The following XIRP2 variants were observed in gnomAD, a reference collection of about 807,000 sequenced individuals.
XIRP2 encodes xin actin binding repeat containing 2, also known as xin actin-binding repeat-containing protein 2.
A neutral mutation model predicts 277.0 loss-of-function variants in XIRP2; 236 were observed. The observed-to-expected ratio is 0.85, with a 90% confidence interval of 0.77 to 0.95. XIRP2 has a LOEUF of 0.95. XIRP2 is among the 40% of genes least tolerant of loss of function. The pLI is 0.00. For missense variants in XIRP2, 4,640 were observed against 4,157.5 expected (o/e 1.12, Z -3.19); for synonymous variants, 1,490 against 1,416.5 (o/e 1.05, Z -1.17).
At position 167,251,039 on chromosome 2, in the gene XIRP2, T is replaced by C. The variant is rs185166606; in HGVS notation, c.9647T>C (p.Met3216Thr). The change falls in exon 9 of 11, where the codon ATG (methionine) becomes ACG (threonine). Residue 3216 changes from methionine (M) to threonine (T), a missense_variant. By Grantham distance (81) the Met-to-Thr change is moderately conservative (BLOSUM62 -1). Coordinates refer to ENST00000409195, the MANE Select transcript of XIRP2 (RefSeq NM_152381.6). ...GTAGAGAAGAGGTCTGAAATCATCA[T>C]GTCTCCTGCAACACTTCGTCGTCAA... ...PIVEKRSEIIMSPATLRRQIK... is the reference protein window; with the variant it reads ...PIVEKRSEIITSPATLRRQIK... The C allele has an allele frequency of 5.6e-6, 9 of 1,613,656 alleles. No individual in the cohort carries two copies. The Admixed American group carries it at 1.5e-4, about 27-fold the overall frequency.
intron 2 of XIRP2, among the ~76,000 whole-genome samples, chr2:167,093,292 T>TC (rs1690202320): frequency 6.6e-6 from 1 of 151,408 alleles, no homozygotes; most frequent in African/African-American, 2.4e-5. Flanking sequence ...ATATATATTT[T>TC]TACAGATGTA....
chr2:167,171,172 T>C (rs1481923757), intron 3 of XIRP2, among the ~76,000 whole-genome samples: 1 of 152,140 alleles, frequency 6.6e-6, no homozygotes. Flanking sequence ...AGTGCTGGGA[T>C]TACAGGTGTG....
intron 2 of XIRP2, among the ~76,000 whole-genome samples, chr2:167,067,144 T>C (rs1241243908): frequency 6.6e-6 from 1 of 152,110 alleles, no homozygotes; most frequent in Non-Finnish European, 1.5e-5. Flanking sequence ...TCCTTTCTAT[T>C]CCTTTCCCGA....
chr2:166,974,122 C>T (rs567528273), intron 2 of XIRP2, among the ~76,000 whole-genome samples: 82 of 152,242 alleles, frequency 5.4e-4, no homozygotes, highest in African/African-American at 1.9e-3. Context: ...ATAACATGTG[C>T]TGATTGCGAT....
intron 2 of XIRP2, among the ~76,000 whole-genome samples, chr2:166,905,481 T>G (rs1684493147): frequency 6.6e-6 from 1 of 151,948 alleles, no homozygotes; most frequent in Non-Finnish European, 1.5e-5. Flanking sequence ...TGATAGGTGG[T>G]TTGCCATCTA....
intron 1 of XIRP2, among the ~76,000 whole-genome samples, chr2:166,892,760 T>C (rs1460498067): frequency 1.3e-5 from 2 of 150,350 alleles, no homozygotes; most frequent in East Asian, 3.9e-4. Flanking sequence ...TTTGGAGCAA[T>C]GAAAAATGAC....
intron 4 of XIRP2, among the ~76,000 whole-genome samples, chr2:167,215,116 A>G (rs1211031011): frequency 2.0e-5 from 3 of 152,198 alleles, no homozygotes; most frequent in Non-Finnish European, 4.4e-5. Context: ...TTTATCCAGG[A>G]AAGCCACTTA....
At chr2:167,165,137 A>G (rs1692482138) in intron 3 of XIRP2, among the ~76,000 whole-genome samples, 1 of 152,144 alleles carries the variant, frequency 6.6e-6, no homozygotes, top group Admixed American at 6.5e-5. Context: ...ATTTAGTAAT[A>G]TGCATTTAGG....
chr2:167,154,548 C>G lies in XIRP2; in HGVS notation c.562+18486C>G, dbSNP rs967829875. On this transcript the variant is annotated intron_variant, in intron 3 of 10. Transcript: ENST00000409195. ...AGGGTTTCTATGGTTTTAGGTCTAA[C>G]ATTTAAGTCTTTAATCCATCTGAAT... Among the ~76,000 whole-genome samples the G allele has an allele frequency of 3.9e-3, 590 of 151,992 alleles. 4 individuals carry two copies. The highest frequency in any genetic ancestry group is 0.014 in the African/African-American group (574 of 41,372).
chr2:167,125,989 G>A (rs1185341465), intron 2 of XIRP2, among the ~76,000 whole-genome samples: 10 of 152,170 alleles, frequency 6.6e-5, no homozygotes, highest in African/African-American at 2.4e-4. Flanking sequence ...TGGGACATCA[G>A]TTGGGGCCAC....
At chr2:167,217,096 T>A (rs1195789190) in intron 4 of XIRP2, among the ~76,000 whole-genome samples, 17 of 127,910 alleles carry the variant, frequency 1.3e-4, no homozygotes, top group African/African-American at 4.1e-4. Context: ...GATCACATGG[T>A]CACAGGAAGG....
intron 2 of XIRP2, among the ~76,000 whole-genome samples, chr2:167,056,395 T>G (rs1162696416): frequency 6.6e-6 from 1 of 152,188 alleles, no homozygotes; most frequent in Non-Finnish European, 1.5e-5. Context: ...ATAGAAAGTC[T>G]CCACATACAC....
chr2:166,970,524 G>A (rs1193363748), intron 2 of XIRP2, among the ~76,000 whole-genome samples: 2 of 151,932 alleles, frequency 1.3e-5, no homozygotes, highest in Admixed American at 6.6e-5. Flanking sequence ...AGAATGGACA[G>A]TGTATCTGAT....
At chr2:166,912,295 C>A (rs568362743) in intron 2 of XIRP2, among the ~76,000 whole-genome samples, 2 of 152,172 alleles carry the variant, frequency 1.3e-5, no homozygotes, top group Non-Finnish European at 2.9e-5. Context: ...TTCTTGGAGG[C>A]TTTGTTCCTT....
intron 2 of XIRP2, among the ~76,000 whole-genome samples, chr2:166,965,591 T>C (rs530312353): frequency 2.4e-4 from 37 of 151,968 alleles, no homozygotes; most frequent in African/African-American, 8.4e-4. Flanking sequence ...GTTTGTTTGT[T>C]TATTTGTTTT....
intron 1 of XIRP2, among the ~76,000 whole-genome samples, chr2:166,894,220 G>A (rs929496933): frequency 6.6e-5 from 10 of 152,020 alleles, no homozygotes; most frequent in East Asian, 1.9e-4. Flanking sequence ...TTGTAAACAC[G>A]CAGTCTTTAA....
chr2:167,187,158 C>A, intron 3 of XIRP2: 1 of 757,338 alleles, frequency 1.3e-6, no homozygotes, highest in Non-Finnish European at 1.6e-6. Flanking sequence ...GTGGTCGTGG[C>A]TGTGGAAGGG....
intron 2 of XIRP2, among the ~76,000 whole-genome samples, chr2:167,127,101 G>C (rs1452428965): frequency 6.6e-6 from 1 of 152,082 alleles, no homozygotes; most frequent in African/African-American, 2.4e-5. Flanking sequence ...GCCCAAATTT[G>C]GGCATATTGG....
At position 167,251,381 on chromosome 2, in the gene XIRP2, A is replaced by T; in HGVS notation, c.9989A>T (p.Glu3330Val). Residue 3330 changes from glutamate to valine, a missense_variant, in exon 9 of 11, where the codon GAA (glutamate) becomes GTA (valine). Physicochemically the swap from Glu to Val is moderately radical, Grantham distance 121 (BLOSUM62 -2). Transcript: ENST00000409195. ...QMAENFVNDPENEINRWFREF... is the reference protein window; with the variant it reads ...QMAENFVNDPVNEINRWFREF... ...GCTGAAAATTTCGTGAATGACCCTGAAAATGAAATAAACAGATGGTTCAGG... is the reference window on the plus strand; with the variant it reads ...GCTGAAAATTTCGTGAATGACCCTGTAAATGAAATAAACAGATGGTTCAGG... The T allele has an allele frequency of 6.2e-7, 1 of 1,613,638 alleles. No individual in the cohort carries two copies. Among genetic ancestry groups the T allele is most frequent in the Non-Finnish European group, 8.5e-7 (1 of 1,179,678 alleles).
Sources: gnomAD v4.1 joint callset for allele counts (sites outside exome capture counted in the v4.1 genomes callset) on GRCh38, gnomAD v4.1.1 for gene constraint, MANE v1.5 for transcripts, NCBI Gene and HGNC (gene_info 2026-07-23, HGNC 2026-07-21) for gene names.